TNN: variants seen among roughly 807,000 people sequenced by gnomAD.
The protein encoded by TNN is tenascin N, also known as tenascin-N.
In TNN, 122 loss-of-function variants were observed where a neutral mutation model predicts 134.4. That is an observed-to-expected ratio of 0.91 (90% CI 0.78 to 1.06). The LOEUF (loss-of-function observed/expected upper bound fraction) is 1.06, where lower values mean the gene tolerates loss of function less well. Ranked by LOEUF, TNN falls within the 50% of genes least tolerant of loss-of-function variation. The pLI is 0.00. For synonymous variants in TNN, 710 were observed against 670.3 expected, an observed-to-expected ratio of 1.06 and a Z score of -0.91; for missense variants, 1,739 against 1,699.4, an observed-to-expected ratio of 1.02 and a Z score of -0.41.
intron 1 of TNN, among the ~76,000 whole-genome samples, chr1:175,070,726 C>T (rs1182488785): frequency 2.6e-5 from 4 of 152,164 alleles, no homozygotes; most frequent in Non-Finnish European, 4.4e-5. Context: ...ACAGACCTCC[C>T]TTGTATATCC....
At chr1:175,130,112 C>T (rs1038525163) in intron 15 of TNN, among the ~76,000 whole-genome samples, 8 of 152,150 alleles carry the variant, frequency 5.3e-5, no homozygotes, top group African/African-American at 1.9e-4. Context: ...TCTCCCTGTG[C>T]CTGAATGATA....
chr1:175,071,011 T>A (rs534853281), intron 1 of TNN, among the ~76,000 whole-genome samples: 2 of 152,340 alleles, frequency 1.3e-5, no homozygotes, highest in South Asian at 4.1e-4. Flanking sequence ...CTCATCTCCC[T>A]CATTTTCCTT....
chr1:175,116,326 T>A (rs1360345815), intron 9 of TNN, among the ~76,000 whole-genome samples: 2 of 152,210 alleles, frequency 1.3e-5, no homozygotes, highest in African/African-American at 4.8e-5. Flanking sequence ...AACACTGTAA[T>A]ACTTTAACAT....
At chr1:175,077,318 T>TAAA (rs112462550) in intron 1 of TNN, 66 bp from the exon 2 acceptor site, 129 of 1,237,682 alleles carry the variant, frequency 1.0e-4, no homozygotes, top group African/African-American at 4.6e-4. Context: ...TAGAATCTGG[T>TAAA]AAAAAAAAAG....
At chr1:175,134,695 T>C (rs1675754318) in intron 15 of TNN, among the ~76,000 whole-genome samples, 1 of 152,148 alleles carries the variant, frequency 6.6e-6, no homozygotes, top group East Asian at 1.9e-4. Context: ...CTTGACTTCC[T>C]CCTCTTTCAG....
chr1:175,074,484 GAAAAAAAAA>G (rs55952749), intron 1 of TNN, among the ~76,000 whole-genome samples: 22,429 of 118,962 alleles, frequency 0.19, 1,934 homozygotes, highest in Non-Finnish European at 0.21. Context: ...GATCCTGTCT[GAAAAAAAAA>G]AAAAAAAAAA....
chr1:175,096,770 T>C (rs905920090), intron 7 of TNN, among the ~76,000 whole-genome samples: 1 of 152,226 alleles, frequency 6.6e-6, no homozygotes, highest in African/African-American at 2.4e-5. Context: ...TCTTTCTTCA[T>C]AGAGTTGAGG....
chr1:175,104,234 G>A lies in TNN; in HGVS notation c.2119+5639G>A, dbSNP rs556157918. 6.9e-4 allele frequency among the ~76,000 whole-genome samples: 100 copies of A among 145,586 alleles called. 12 individuals are homozygous for A. Among genetic ancestry groups the A allele is most frequent in the South Asian group, 2.3e-3 (10 of 4,310 alleles). Reference sequence around the variant, plus strand: ...ACAGGAGATTAACACTGAGAAGGCCGCGCCAGTATCCAGGAGGAAGTCAAT... The same window carrying A: ...ACAGGAGATTAACACTGAGAAGGCCACGCCAGTATCCAGGAGGAAGTCAAT... On this transcript the variant is annotated intron_variant, in intron 9 of 18. Coordinates refer to ENST00000239462, the MANE Select transcript of TNN (RefSeq NM_022093.2).
intron 11 of TNN, among the ~76,000 whole-genome samples, chr1:175,123,074 A>G (rs1452788515): frequency 2.0e-5 from 3 of 152,222 alleles, no homozygotes; most frequent in Admixed American, 6.5e-5. Context: ...ATAACTAGAT[A>G]CCAGGGAGAT....
chr1:175,084,062 ACTTGAATCTGACC>A, intron 5 of TNN, 127 bp downstream of exon 5: 1 of 953,912 alleles, frequency 1.0e-6, no homozygotes, highest in Non-Finnish European at 1.5e-6. Context: ...TAGGAATCAC[ACTTGAATCTGACC>A]CTTGAATCTG....
chr1:175,105,687 T>C (rs1400275258), intron 9 of TNN, among the ~76,000 whole-genome samples: 1 of 145,610 alleles, frequency 6.9e-6, no homozygotes, highest in Non-Finnish European at 1.5e-5. Context: ...GGCCAAGCCG[T>C]AGTGCAGGAA....
chr1:175,099,798 C>T (rs1394837796), intron 9 of TNN, among the ~76,000 whole-genome samples: 1 of 152,116 alleles, frequency 6.6e-6, no homozygotes, highest in South Asian at 2.1e-4. Flanking sequence ...AAAGCTGACT[C>T]GGTCATGAAG....
intron 9 of TNN, among the ~76,000 whole-genome samples, chr1:175,116,084 T>C (rs186376235): frequency 1.3e-3 from 201 of 152,290 alleles, no homozygotes; most frequent in African/African-American, 4.6e-3. Flanking sequence ...CTTTTAGTTG[T>C]TTTTGTGCAG....
At chr1:175,132,544 C>T (rs1002291950) in intron 15 of TNN, among the ~76,000 whole-genome samples, 4 of 152,152 alleles carry the variant, frequency 2.6e-5, no homozygotes, top group African/African-American at 9.7e-5. Flanking sequence ...AGCTGTTTGC[C>T]GTGATATTTC....
intron 12 of TNN, among the ~76,000 whole-genome samples, chr1:175,125,356 C>T (rs922009123): frequency 1.4e-5 from 2 of 145,628 alleles, no homozygotes; most frequent in Non-Finnish European, 3.1e-5. Flanking sequence ...TTCATATCTT[C>T]TTTGGTTAAA....
chr1:175,143,107 C>A (rs1445559190), intron 17 of TNN, among the ~76,000 whole-genome samples: 1 of 152,194 alleles, frequency 6.6e-6, no homozygotes, highest in African/African-American at 2.4e-5. Flanking sequence ...AGATTTGAGT[C>A]CCAGCTCTGC....
rs372170240 is a variant in TNN, at chr1:175,123,606, G to T, written c.2857G>T (p.Val953Leu). Residue 953 changes from valine (V) to leucine (L), a missense_variant, in exon 12 of 19, where the codon GTG becomes TTG. Physicochemically the swap from Val to Leu is conservative, Grantham distance 32. Coordinates refer to ENST00000239462, the MANE Select transcript of TNN (RefSeq NM_022093.2). ...ACCAGGCATGGAGTACATGGTGCAC[G>T]TGTGGGCCCAGAAGGGGGCCCAGGA... ...LRPGMEYMVH[V>L]WAQKGAQESK... is the part of the protein sequence containing the mutation. The T allele has an allele frequency of 4.3e-6, 7 of 1,614,200 alleles. No homozygotes were observed. In the East Asian group the frequency reaches 1.3e-4, roughly 31 times the overall value.
chr1:175,114,757 G>T (rs1043769232), intron 9 of TNN, among the ~76,000 whole-genome samples: 2 of 152,096 alleles, frequency 1.3e-5, no homozygotes, highest in Admixed American at 6.5e-5. Context: ...TGCTCTGGAA[G>T]TGTGAGACCA....
At chr1:175,108,752 G>T (rs55854909) in intron 9 of TNN, among the ~76,000 whole-genome samples, 2,938 of 151,722 alleles carry the variant, frequency 0.019, 39 homozygotes, top group Middle Eastern at 0.044. Context: ...GCTGCTCTGA[G>T]TGCGGGGCCC....
Sources: gnomAD v4.1 joint callset for allele counts (sites outside exome capture counted in the v4.1 genomes callset) on GRCh38, gnomAD v4.1.1 for gene constraint, MANE v1.5 for transcripts, NCBI Gene and HGNC (gene_info 2026-07-23, HGNC 2026-07-21) for gene names.